The following TRPC7 variants were observed in gnomAD, a reference collection of about 807,000 sequenced individuals.
TRPC7 encodes short transient receptor potential channel 7.
TRPC7 carries 42 observed loss-of-function variants against 90.1 expected under a neutral mutation model. The observed-to-expected ratio is 0.47, with a 90% CI of 0.36 to 0.60. The LOEUF is 0.60. Ranked by LOEUF, TRPC7 falls within the 20% of genes least tolerant of loss-of-function variation. TRPC7 has a pLI of 0.00. For missense variants in TRPC7, 955 were observed against 1,112.3 expected, an observed-to-expected ratio of 0.86 and a Z score of 2.01; for synonymous variants, 451 against 436.3, an observed-to-expected ratio of 1.03 and a Z score of -0.42.
In TRPC7 at chr5:136,247,654, C is replaced by A. The variant is rs183404828; in HGVS notation, c.1661G>T (p.Arg554Leu). The change falls in exon 7 of 12, where the codon CGC (arginine) becomes CTC (leucine). Residue 554 changes from arginine to leucine, a missense_variant. Transcript: ENST00000513104. The surrounding 1 kb of genome is among the most constrained non-coding windows in gnomAD (Gnocchi z 4.2). The part of the protein sequence containing the change: ...YAIAVVLSFS[R>L]IAYILPANES... Reference sequence around the variant, plus strand: ...GTTGGCTGGCAGAATGTATGCAATGCGAGAGAAGCTCAGCACGACGGCTAT... The same window carrying A: ...GTTGGCTGGCAGAATGTATGCAATGAGAGAGAAGCTCAGCACGACGGCTAT... The A allele has an allele frequency of 2.5e-6, 4 of 1,613,948 alleles. No individual in the cohort carries two copies. The highest frequency in any genetic ancestry group is 1.1e-5 in the South Asian group (1 of 91,066).
chr5:136,297,647 T>C (rs1210270168), intron 3 of TRPC7, among the ~76,000 whole-genome samples: 1 of 152,178 alleles, frequency 6.6e-6, no homozygotes, highest in Non-Finnish European at 1.5e-5. Flanking sequence ...GACCAAATTA[T>C]TAATAATTTT....
At chr5:136,346,058 G>A (rs529928081) in intron 2 of TRPC7, among the ~76,000 whole-genome samples, 1 of 152,122 alleles carries the variant, frequency 6.6e-6, no homozygotes, top group African/African-American at 2.4e-5. Flanking sequence ...TGTTCCATTG[G>A]TCTATATCTC....
At chr5:136,220,107 C>G (rs996858110) in intron 10 of TRPC7, among the ~76,000 whole-genome samples, 1 of 152,152 alleles carries the variant, frequency 6.6e-6, no homozygotes, top group Non-Finnish European at 1.5e-5. Context: ...TGAGGATGTA[C>G]GTCACTTCAG....
intron 2 of TRPC7, among the ~76,000 whole-genome samples, chr5:136,351,847 C>T (rs1461714434): frequency 6.6e-6 from 1 of 152,170 alleles, no homozygotes; most frequent in African/African-American, 2.4e-5. Context: ...AATGATAGCA[C>T]AAACATTAAT....
chr5:136,293,179 T>C (rs1758023977), intron 3 of TRPC7, among the ~76,000 whole-genome samples: 1 of 152,144 alleles, frequency 6.6e-6, no homozygotes, highest in Non-Finnish European at 1.5e-5. Context: ...CCACAGCCAA[T>C]ATCATACTGA....
intron 3 of TRPC7, among the ~76,000 whole-genome samples, chr5:136,295,027 C>A (rs1451884451): frequency 6.6e-6 from 1 of 152,028 alleles, no homozygotes; most frequent in Non-Finnish European, 1.5e-5. Context: ...TCTCAGCAAA[C>A]CATCACAAGG....
At chr5:136,307,057 G>A (rs1434000291) in intron 3 of TRPC7, among the ~76,000 whole-genome samples, 1 of 152,150 alleles carries the variant, frequency 6.6e-6, no homozygotes, top group African/African-American at 2.4e-5. Flanking sequence ...TACAATGGAT[G>A]TTTTGATATA....
chr5:136,241,624 C>T (rs1321883254), intron 7 of TRPC7, among the ~76,000 whole-genome samples: 9 of 152,010 alleles, frequency 5.9e-5, no homozygotes, highest in East Asian at 1.9e-4. Flanking sequence ...GACACAATCT[C>T]GGCTTACTGC....
intron 2 of TRPC7, among the ~76,000 whole-genome samples, 198 bp downstream of exon 2, chr5:136,356,410 G>A (rs1401303545): frequency 6.6e-6 from 1 of 152,176 alleles, no homozygotes; most frequent in Non-Finnish European, 1.5e-5. Context: ...GTAGTTTAAA[G>A]CATTTCACCC....
chr5:136,248,612 C>T (rs1346713476), intron 6 of TRPC7, among the ~76,000 whole-genome samples: 2 of 152,192 alleles, frequency 1.3e-5, no homozygotes, highest in South Asian at 2.1e-4. Context: ...AAGTGGTGAC[C>T]AGTCAGGCAG....
chr5:136,266,557 T>C, intron 4 of TRPC7, 121 bp from the exon 5 acceptor site: 1 of 845,756 alleles, frequency 1.2e-6, no homozygotes, highest in South Asian at 1.8e-5. Context: ...CAGAAACTGC[T>C]AACTGAACCC....
chr5:136,288,730 A>G (rs1757823531), intron 3 of TRPC7, among the ~76,000 whole-genome samples: 1 of 152,150 alleles, frequency 6.6e-6, no homozygotes, highest in African/African-American at 2.4e-5. Flanking sequence ...TCTGGGAGGG[A>G]GTCAATTAAT....
rs563596515 is a variant in TRPC7, at chr5:136,296,619, A to T, written c.963+18978T>A. 2.6e-4 allele frequency among the ~76,000 whole-genome samples: 39 copies of T among 152,350 alleles called. 1 individual carries two copies. The South Asian group carries it at 7.7e-3, about 30-fold the overall frequency. The stretch of plus-strand genomic sequence containing the variant: ...AGATAAATTTTTACATTCTACTGCC[A>T]GGTGGATCAAATCACAAAATTATTT... On this transcript the variant is annotated intron_variant, in intron 3 of 11. Coordinates refer to ENST00000513104, the MANE Select transcript of TRPC7 (RefSeq NM_020389.3).
At chr5:136,253,089 G>A (rs1473207162) in intron 5 of TRPC7, among the ~76,000 whole-genome samples, 2 of 152,202 alleles carry the variant, frequency 1.3e-5, no homozygotes, top group African/African-American at 4.8e-5. Context: ...AAAAAAGAAT[G>A]TAAAGTATCT....
intron 10 of TRPC7, among the ~76,000 whole-genome samples, chr5:136,216,624 A>T (rs1755278958): frequency 6.6e-6 from 1 of 152,236 alleles, no homozygotes; most frequent in Admixed American, 6.5e-5. Flanking sequence ...TGCCCTGCTC[A>T]GTCAAGTCAT....
intron 3 of TRPC7, among the ~76,000 whole-genome samples, chr5:136,312,717 T>G (rs1227249109): frequency 6.6e-6 from 1 of 152,144 alleles, no homozygotes; most frequent in Non-Finnish European, 1.5e-5. Flanking sequence ...GTGCTGTGAC[T>G]CAGCCAGCCA....
At chr5:136,304,769 G>C (rs1252925307) in intron 3 of TRPC7, among the ~76,000 whole-genome samples, 2 of 152,230 alleles carry the variant, frequency 1.3e-5, no homozygotes, top group Middle Eastern at 3.4e-3. Flanking sequence ...AAACACACGT[G>C]CTCTCCCTGC....
rs115136256 is a variant in TRPC7 at position 136,326,306 on chromosome 5, A to G, written c.781-10527T>C. On this transcript the variant is annotated intron_variant, in intron 2 of 11. Transcript: ENST00000513104. ...CTCATTGTCAAGACCCTCCACCACT[A>G]ACAGTATGAGTAGAGGAATACATGT... 4.1e-3 allele frequency among the ~76,000 whole-genome samples: 632 copies of G among 152,344 alleles called. 5 individuals carry two copies. Among genetic ancestry groups the G allele is most frequent in the African/African-American group, 0.015 (606 of 41,566 alleles).
chr5:136,247,265 A>G lies in TRPC7; in HGVS notation c.1844+206T>C, dbSNP rs1756371180. Among the ~76,000 whole-genome samples the G allele has an allele frequency of 6.6e-6, 1 of 152,106 alleles. No individual in the cohort carries two copies. The highest frequency in any genetic ancestry group is 1.5e-5 in the Non-Finnish European group (1 of 68,012). On this transcript the variant is annotated intron_variant, in intron 7 of 11. Transcript: ENST00000513104. The surrounding 1 kb of genome is among the most constrained non-coding windows in gnomAD (Gnocchi z 4.2). Reference sequence around the variant, plus strand: ...ATGGGAACATGCTCTGGTCACACGAAATGTAAGTGGCAAAGTGAGGATTTA... The same window carrying G: ...ATGGGAACATGCTCTGGTCACACGAGATGTAAGTGGCAAAGTGAGGATTTA...
Sources: gnomAD v4.1 joint callset for allele counts (sites outside exome capture counted in the v4.1 genomes callset) on GRCh38, gnomAD v4.1.1 for gene constraint, Gnocchi (gnomAD v3.1) non-coding constraint, MANE v1.5 for transcripts, NCBI Gene and HGNC (gene_info 2026-07-23, HGNC 2026-07-21) for gene names.